SLC13A3: variants seen among roughly 807,000 people sequenced by gnomAD.
The protein encoded by SLC13A3 is solute carrier family 13 member 3.
A neutral mutation model predicts 59.0 loss-of-function variants in SLC13A3; 40 were observed. The observed-to-expected ratio is 0.68, with a 90% CI of 0.53 to 0.88. SLC13A3 has a LOEUF of 0.88. Ranked by LOEUF, SLC13A3 falls within the 40% of genes least tolerant of loss-of-function variation. The pLI, the probability that SLC13A3 is intolerant of heterozygous loss-of-function variation, is 0.00. For synonymous variants in SLC13A3, 317 were observed against 330.3 expected, an observed-to-expected ratio of 0.96 and a Z score of 0.44; for missense variants, 699 against 783.2, an observed-to-expected ratio of 0.89 and a Z score of 1.28.
intron 3 of SLC13A3, among the ~76,000 whole-genome samples, chr20:46,605,129 T>C (rs1405647679): frequency 1.3e-5 from 2 of 152,230 alleles, no homozygotes; most frequent in Non-Finnish European, 2.9e-5. Flanking sequence ...GTGAAGGGTA[T>C]TCGTACACAC....
chr20:46,679,907 C>CA (rs60329236), intron 1 of SLC13A3, among the ~76,000 whole-genome samples: 10,332 of 100,436 alleles, frequency 0.1, 551 homozygotes, highest in East Asian at 0.21. Context: ...GACTCTGTCT[C>CA]AAAAAAAAAA....
At chr20:46,564,048 C>T (rs780665910) in intron 11 of SLC13A3, among the ~76,000 whole-genome samples, 4 of 152,232 alleles carry the variant, frequency 2.6e-5, no homozygotes, top group Non-Finnish European at 4.4e-5. Context: ...GCATTCCTGA[C>T]GTGTTCCCCC....
chr20:46,592,295 A>G, intron 6 of SLC13A3, 109 bp downstream of exon 6: 1 of 1,347,456 alleles, frequency 7.4e-7, no homozygotes, highest in South Asian at 1.3e-5. Context: ...AAGAAATGAG[A>G]ATACAACATG....
In SLC13A3 at chr20:46,583,519, C is replaced by G. The variant is rs377725928; in HGVS notation, c.1219+53G>C. 5 of 1,599,960 alleles carry G rather than the reference C, an allele frequency of 3.1e-6. No homozygotes were observed. The Admixed American group carries it at 5.3e-5, about 17-fold the overall frequency. ...GCTCCAGGCCCTTGATGACCACACT[C>G]CATGCCGCAGTCCTCACTGAGCCCA... On this transcript the variant is annotated intron_variant, in intron 9 of 12. Transcript: ENST00000279027.
chr20:46,614,512 T>C (rs541816234), intron 1 of SLC13A3, among the ~76,000 whole-genome samples: 12 of 152,262 alleles, frequency 7.9e-5, no homozygotes, highest in Middle Eastern at 6.8e-3. Context: ...TGAGCACCAG[T>C]GGGGGTGTGG....
At chr20:46,583,879 C>G (rs921412237) in intron 8 of SLC13A3, 21 of 985,272 alleles carry the variant, frequency 2.1e-5, no homozygotes, top group African/African-American at 3.5e-5. Context: ...TTAGATGCTG[C>G]TTGGGCTCAA....
chr20:46,576,910 C>T (rs2062081955), intron 9 of SLC13A3, among the ~76,000 whole-genome samples: 1 of 152,210 alleles, frequency 6.6e-6, no homozygotes, highest in African/African-American at 2.4e-5. Context: ...AATCCTTCTA[C>T]CAGCAAGCAT....
At chr20:46,670,014 T>C (rs1809618657) in intron 1 of SLC13A3, 2 of 152,178 alleles carry the variant, frequency 1.3e-5, no homozygotes, top group African/African-American at 4.8e-5. Context: ...TACTTAACAA[T>C]GCAGAAGGAT....
At chr20:46,596,077 A>T in intron 5 of SLC13A3, 80 bp downstream of exon 5, 2 of 1,360,196 alleles carry the variant, frequency 1.5e-6, no homozygotes, top group Non-Finnish European at 1.0e-6. Flanking sequence ...CTCAATACAC[A>T]TTCCCTGGAT....
intron 2 of SLC13A3, among the ~76,000 whole-genome samples, chr20:46,612,976 C>T (rs2062514585): frequency 1.3e-5 from 2 of 152,176 alleles, no homozygotes; most frequent in Non-Finnish European, 2.9e-5. Flanking sequence ...GCATTGCCTG[C>T]TCAGGTCCAG....
At chr20:46,563,294 A>T (rs1223359765) in intron 12 of SLC13A3, 120 bp downstream of exon 12, 1 of 1,148,606 alleles carries the variant, frequency 8.7e-7, no homozygotes, top group Admixed American at 2.9e-5. Context: ...CCACTCAGAA[A>T]GATCTATTCA....
At chr20:46,609,669 C>T (rs1428452999) in intron 3 of SLC13A3, among the ~76,000 whole-genome samples, 1 of 152,176 alleles carries the variant, frequency 6.6e-6, no homozygotes, top group African/African-American at 2.4e-5. Context: ...ATCATAACTG[C>T]TCTATGAGAT....
chr20:46,626,097 T>TTCTCTCTCTCTCTC (rs74176872), intron 1 of SLC13A3, among the ~76,000 whole-genome samples: 50 of 145,886 alleles, frequency 3.4e-4, no homozygotes, highest in African/African-American at 1.0e-3. Context: ...CAAAGCTGTA[T>TTCTCTCTCTCTCTC]TCTCTCTCTC....
chr20:46,583,897 CT>C (rs1239990945), intron 8 of SLC13A3: 19 of 985,256 alleles, frequency 1.9e-5, no homozygotes, highest in Non-Finnish European at 2.3e-5. Flanking sequence ...CAAGCAAATG[CT>C]TATCTTCCCA....
At position 46,613,616 on chromosome 20, in the gene SLC13A3, C is replaced by G; in HGVS notation, c.221G>C (p.Gly74Ala). The part of the protein sequence containing the change: ...LLPIVLFPFM[G>A]ILPSNKVCPQ... ...GCAGACCTTGTTGGAGGGCAAGATG[C>G]CCATGAAGGGGAAGAGGACGATGGG... The change falls in exon 2 of 13, where the codon GGC (glycine) becomes GCC (alanine). Residue 74 changes from glycine (G) to alanine (A), a missense_variant. Physicochemically the swap from Gly to Ala is moderately conservative, Grantham distance 60. Coordinates refer to ENST00000279027, the MANE Select transcript of SLC13A3 (RefSeq NM_022829.6). 1 of 1,612,468 alleles carries G rather than the reference C, an allele frequency of 6.2e-7. No homozygotes were observed. Among genetic ancestry groups the G allele is most frequent in the African/African-American group, 1.3e-5 (1 of 75,026 alleles).
intron 1 of SLC13A3, among the ~76,000 whole-genome samples, chr20:46,669,619 T>C (rs1412697069): frequency 2.0e-5 from 3 of 152,194 alleles, no homozygotes; most frequent in Admixed American, 6.5e-5. Flanking sequence ...AGAGACCACA[T>C]GAGCTGGGTG....
At chr20:46,661,100 C>T (rs2063026875) in intron 1 of SLC13A3, among the ~76,000 whole-genome samples, 1 of 152,066 alleles carries the variant, frequency 6.6e-6, no homozygotes, top group Admixed American at 6.6e-5. Flanking sequence ...AGAATCTAGG[C>T]CAAATCTGAA....
chr20:46,671,602 C>T (rs1296659133), upstream of SLC13A3, among the ~76,000 whole-genome samples: 1 of 151,814 alleles, frequency 6.6e-6, no homozygotes, highest in Non-Finnish European at 1.5e-5. Context: ...GTTAGGAATG[C>T]ATAAGATTTA....
chr20:46,643,370 C>T (rs184113056), intron 1 of SLC13A3, among the ~76,000 whole-genome samples: 120 of 152,160 alleles, frequency 7.9e-4, no homozygotes, highest in African/African-American at 2.8e-3. Context: ...ACGGCCTTTT[C>T]GGAGGTAAGA....
Sources: gnomAD v4.1 joint callset for allele counts (sites outside exome capture counted in the v4.1 genomes callset) on GRCh38, gnomAD v4.1.1 for gene constraint, MANE v1.5 for transcripts, NCBI Gene and HGNC (gene_info 2026-07-23, HGNC 2026-07-21) for gene names.